Variants in SMARCC1 observed in about 807,000 individuals in gnomAD.
The protein encoded by SMARCC1 is SWI/SNF complex subunit SMARCC1.
Under a neutral mutation model 147.4 loss-of-function variants are expected in SMARCC1, and 43 were observed. The observed-to-expected ratio is 0.29, with a 90% CI of 0.23 to 0.38. SMARCC1 has a LOEUF of 0.38. SMARCC1 is among the 10% of genes least tolerant of loss of function. SMARCC1 has a pLI of 1.00. For missense variants in SMARCC1, 1,119 were observed against 1,381.1 expected, an observed-to-expected ratio of 0.81 and a Z score of 3.01; for synonymous variants, 495 against 484.4, an observed-to-expected ratio of 1.02 and a Z score of -0.29.
chr3:47,690,279 T>C (rs914857161), intron 12 of SMARCC1, among the ~76,000 whole-genome samples: 2 of 152,084 alleles, frequency 1.3e-5, no homozygotes, highest in African/African-American at 2.4e-5. Context: ...GTACGGGACA[T>C]AGCAAAAATA....
At chr3:47,589,789 T>C (rs2108222575) in intron 27 of SMARCC1, among the ~76,000 whole-genome samples, 1 of 152,352 alleles carries the variant, frequency 6.6e-6, no homozygotes, top group South Asian at 2.1e-4. Context: ...TGCTAAGTTC[T>C]ATCCAAGTTT....
At chr3:47,725,749 G>C (rs1297850955) in intron 6 of SMARCC1, among the ~76,000 whole-genome samples, 1 of 151,902 alleles carries the variant, frequency 6.6e-6, no homozygotes, top group Non-Finnish European at 1.5e-5. Flanking sequence ...ATCGGGCCCA[G>C]CCCAACTGTG....
chr3:47,770,599 G>C (rs528533402), intron 2 of SMARCC1, among the ~76,000 whole-genome samples: 1 of 151,736 alleles, frequency 6.6e-6, no homozygotes, highest in South Asian at 2.1e-4. Context: ...CTGCAGCCTG[G>C]GCAACACAGC....
intron 14 of SMARCC1, among the ~76,000 whole-genome samples, chr3:47,683,054 T>C (rs1247704965): frequency 6.6e-6 from 1 of 152,220 alleles, no homozygotes; most frequent in Admixed American, 6.5e-5. Flanking sequence ...GTTTTTGTTT[T>C]TGTTTTGAGA....
chr3:47,750,298 G>T (rs1472534386), intron 2 of SMARCC1, among the ~76,000 whole-genome samples: 2 of 152,094 alleles, frequency 1.3e-5, no homozygotes, highest in Non-Finnish European at 1.5e-5. Flanking sequence ...AGCTGGGTGT[G>T]GTGGTGCACG....
At chr3:47,588,431 G>A in intron 27 of SMARCC1, 125 bp from the exon 28 acceptor site, 1 of 796,422 alleles carries the variant, frequency 1.3e-6, no homozygotes, top group South Asian at 1.6e-5. Context: ...TGCACCCTGT[G>A]AGGCATTGAT....
chr3:47,673,795 T>C (rs2033535098), intron 18 of SMARCC1, among the ~76,000 whole-genome samples: 1 of 152,238 alleles, frequency 6.6e-6, no homozygotes, highest in South Asian at 2.1e-4. Context: ...AATGTAATAA[T>C]ACTCAAATCA....
intron 14 of SMARCC1, among the ~76,000 whole-genome samples, chr3:47,683,018 C>T (rs1354117316): frequency 6.6e-6 from 1 of 152,098 alleles, no homozygotes; most frequent in Non-Finnish European, 1.5e-5. Flanking sequence ...TGAAAACATC[C>T]AGAAATAGCA....
At chr3:47,675,906 C>T (rs2033565634) in intron 17 of SMARCC1, among the ~76,000 whole-genome samples, 1 of 151,046 alleles carries the variant, frequency 6.6e-6, no homozygotes, top group Non-Finnish European at 1.5e-5. Context: ...GATCATGCCA[C>T]TGCACTCCAG....
At chr3:47,621,164 G>A (rs1229416624) in intron 25 of SMARCC1, among the ~76,000 whole-genome samples, 1 of 152,122 alleles carries the variant, frequency 6.6e-6, no homozygotes, top group Non-Finnish European at 1.5e-5. Flanking sequence ...GCTGGGCGTG[G>A]TGGCGTGCGC....
chr3:47,738,918 A>C (rs1407198928), intron 3 of SMARCC1, among the ~76,000 whole-genome samples: 1 of 152,240 alleles, frequency 6.6e-6, no homozygotes, highest in East Asian at 1.9e-4. Flanking sequence ...ATGAATAACA[A>C]GTACTGTTTT....
At chr3:47,666,459 G>C (rs2033421222) in intron 19 of SMARCC1, among the ~76,000 whole-genome samples, 1 of 90,264 alleles carries the variant, frequency 1.1e-5, no homozygotes, top group Non-Finnish European at 2.7e-5. Flanking sequence ...TGCAGTGTCT[G>C]TCAGTGTCCA....
intron 11 of SMARCC1, among the ~76,000 whole-genome samples, chr3:47,697,386 C>T (rs112221304): frequency 0.017 from 2,579 of 151,598 alleles, 80 homozygotes; most frequent in African/African-American, 0.059. Flanking sequence ...CTGCAACCTC[C>T]GCCTCCCGGG....
intron 15 of SMARCC1, chr3:47,680,205 G>C (rs1409951503): frequency 1.7e-5 from 7 of 418,964 alleles, no homozygotes; most frequent in Non-Finnish European, 2.6e-5. Context: ...CTGGGCAACA[G>C]AGTGAGACCC....
In SMARCC1 at chr3:47,622,198, A is replaced by C; in HGVS notation, c.2781+9T>G. 1.9e-6 allele frequency: 3 copies of C among 1,595,190 alleles called. No individual in the cohort carries two copies. Among genetic ancestry groups the C allele is most frequent in the Non-Finnish European group, 2.6e-6 (3 of 1,175,364 alleles). ...GTGAAAAAGCCACTAAAAAATTCCA[A>C]ATACTTACAGCTTCTTTCTCTCTGT... is the stretch of plus-strand genomic sequence containing the variant. On this transcript the variant is annotated intron_variant, in intron 25 of 27. Coordinates refer to ENST00000254480, the MANE Select transcript of SMARCC1 (RefSeq NM_003074.4).
Position 47,686,175 on chromosome 3 carries a change from AG to A in SMARCC1, c.1264-6del. 6.2e-7 allele frequency: 1 copy of A among 1,609,288 alleles called. No homozygotes were observed. Among genetic ancestry groups the A allele is most frequent in the Admixed American group, 1.7e-5 (1 of 59,910 alleles). On this transcript the variant is annotated splice_polypyrimidine_tract_variant and splice_region_variant and intron_variant, in intron 13 of 27. Coordinates refer to ENST00000254480, the MANE Select transcript of SMARCC1 (RefSeq NM_003074.4). Reference sequence around the variant, plus strand: ...TTTGGCAGGATCTTCATCTTCCTATAGAAAAGAAGACAAAGTTCAAAGAAAG... The same window carrying A: ...TTTGGCAGGATCTTCATCTTCCTATAAAAAGAAGACAAAGTTCAAAGAAAG...
At chr3:47,732,468 A>G (rs1395799326) in intron 5 of SMARCC1, among the ~76,000 whole-genome samples, 1 of 152,210 alleles carries the variant, frequency 6.6e-6, no homozygotes, top group South Asian at 2.1e-4. Flanking sequence ...TGACTTAAGA[A>G]GCCAAGTTCT....
rs1320743103 is a variant in SMARCC1 at position 47,701,294 on chromosome 3, T to C, written c.1149A>G (p.Val383=). Residue 383 remains valine (V), a synonymous_variant, in exon 11 of 28, where the codon GTA becomes GTG. Transcript: ENST00000254480. ...DPTPVPNIEE[V]VLPKNVNLKK... ...AATACAAACCATTTTTGGGAAGTAC[T>C]ACTTCTTCTATATTGGGTACAGGTG... is the stretch of plus-strand genomic sequence containing the variant. The C allele has an allele frequency of 1.2e-6, 2 of 1,612,892 alleles. No homozygotes were observed. Among genetic ancestry groups the C allele is most frequent in the Non-Finnish European group, 1.7e-6 (2 of 1,179,054 alleles).
chr3:47,764,059 G>C (rs1363574304), intron 2 of SMARCC1, among the ~76,000 whole-genome samples: 3 of 151,874 alleles, frequency 2.0e-5, no homozygotes, highest in African/African-American at 7.3e-5. Flanking sequence ...GATATTGATG[G>C]GATTTCGCTC....
Sources: allele counts gnomAD v4.1 joint callset (sites outside exome capture counted in the v4.1 genomes callset), GRCh38; gene constraint gnomAD v4.1.1; transcripts MANE v1.5; gene names NCBI Gene and HGNC (gene_info 2026-07-23, HGNC 2026-07-21).